The following CACNA2D4 variants were observed in gnomAD, a reference collection of about 807,000 sequenced individuals.
CACNA2D4 encodes calcium voltage-gated channel auxiliary subunit alpha2delta 4.
A neutral mutation model predicts 163.8 loss-of-function variants in CACNA2D4; 157 were observed. The ratio of observed to expected loss-of-function variants is 0.96; its 90% CI spans 0.84 to 1.09. The LOEUF (loss-of-function observed/expected upper bound fraction) is 1.09. Among genes scored for constraint, CACNA2D4 ranks in the 50% least tolerant of loss-of-function variants. CACNA2D4 has a pLI of 0.00. For missense variants in CACNA2D4, 1,410 were observed against 1,479.9 expected, an observed-to-expected ratio of 0.95 and a Z score of 0.78; for synonymous variants, 598 against 586.9, an observed-to-expected ratio of 1.02 and a Z score of -0.27.
At chr12:1,912,360 T>C (rs1866845760) in intron 3 of CACNA2D4, among the ~76,000 whole-genome samples, 1 of 152,214 alleles carries the variant, frequency 6.6e-6, no homozygotes, top group African/African-American at 2.4e-5. Context: ...CCCATAGGCC[T>C]CAGTGCAGAC....
intron 4 of CACNA2D4, 116 bp from the exon 5 acceptor site, chr12:1,908,153 G>C: frequency 1.8e-6 from 2 of 1,085,696 alleles, no homozygotes; most frequent in Non-Finnish European, 2.6e-6. Flanking sequence ...GCGGCCATCA[G>C]AGTCTACACA....
intron 4 of CACNA2D4, 110 bp downstream of exon 4, chr12:1,909,796 T>C (rs1002775478): frequency 2.4e-6 from 2 of 843,668 alleles, no homozygotes; most frequent in Non-Finnish European, 3.9e-6. Context: ...AGTAAATGTC[T>C]ATGGAATCAG....
At position 1,843,107 on chromosome 12, in the gene CACNA2D4, A is replaced by G. The variant is rs1865065522; in HGVS notation, c.2470+1295T>C. ...TGGGGTTGTCTAGATTAAATGAAAA[A>G]CACGTGGAAAATTGTTTTGTGAAGC... On this transcript the variant is annotated intron_variant, in intron 25 of 37. Coordinates refer to ENST00000382722, the MANE Select transcript of CACNA2D4 (RefSeq NM_172364.5). This position sits in a 1 kb window ranked among gnomAD's most constrained non-coding sequence, Gnocchi z 4.6. Among the ~76,000 whole-genome samples, 1 of 152,114 alleles carries G rather than the reference A, an allele frequency of 6.6e-6. No individual in the cohort carries two copies. Among genetic ancestry groups the G allele is most frequent in the Admixed American group, 6.5e-5 (1 of 15,272 alleles).
Position 1,884,849 on chromosome 12 carries a change from G to C in CACNA2D4, c.1191C>G (p.Asn397Lys). ...FQEAKQGSLC[N>K]QAIMLISDGA... ...CGTCGCTGATGAGCATGATGGCCTG[G>C]TTGCAGAGGCTTCCTTGCTTGGCCT... Residue 397 changes from asparagine to lysine, a missense_variant, in exon 11 of 38, where the codon AAC becomes AAG. Transcript: ENST00000382722. 1.2e-6 allele frequency: 2 copies of C among 1,613,912 alleles called. No homozygotes were observed. The highest frequency in any genetic ancestry group is 1.6e-4 in the Middle Eastern group (1 of 6,062).
At position 1,801,115 on chromosome 12, in the gene CACNA2D4, C is replaced by T. The variant is rs1219216983; in HGVS notation, c.2796G>A (p.Val932=). The change falls in exon 31 of 38, where the codon GTG becomes GTA. Residue 932 remains valine, a synonymous_variant. Coordinates refer to ENST00000382722, the MANE Select transcript of CACNA2D4 (RefSeq NM_172364.5). Reference sequence around the variant, plus strand: ...ACATGGCCTGATAGTCATACATAGTCACTCTGAAAATCAGAAGCGGGCTGT... The same window carrying T: ...ACATGGCCTGATAGTCATACATAGTTACTCTGAAAATCAGAAGCGGGCTGT... ...QLLSMGVFSQ[V]TMYDYQAMCK... 4.3e-6 allele frequency: 7 copies of T among 1,613,750 alleles called. No homozygotes were observed. Among genetic ancestry groups the T allele is most frequent in the Non-Finnish European group, 5.9e-6 (7 of 1,179,800 alleles).
At position 1,792,622 on chromosome 12, in the gene CACNA2D4, C is replaced by CG; in HGVS notation, c.*1032dup. The CG allele has an allele frequency of 1.3e-5, 2 of 150,680 alleles. No homozygotes were observed. The highest frequency in any genetic ancestry group is 3.0e-5 in the Non-Finnish European group (2 of 67,780). 9.3% of individuals were successfully genotyped at this position (150,680 alleles called of 1,614,324 possible). A position where few individuals can be genotyped will look rare whatever the true frequency, so the allele number is the denominator to read the frequency against. On this transcript the variant is annotated 3_prime_UTR_variant, in exon 38 of 38. Transcript: ENST00000382722. ...TGGGATCCAGGTCTTGGGGTTTGGT[C>CG]GGGGGAGGAAGCTGCGGGGCCTTGG...
chr12:1,889,118 C>T (rs1445784827), intron 6 of CACNA2D4, among the ~76,000 whole-genome samples: 5 of 152,150 alleles, frequency 3.3e-5, no homozygotes, highest in Admixed American at 3.3e-4. Context: ...TTTAGAATTG[C>T]ATTGTCAGCA....
At chr12:1,836,469 G>C (rs887102195) in intron 26 of CACNA2D4, 1 of 152,428 alleles carries the variant, frequency 6.6e-6, no homozygotes, top group Non-Finnish European at 1.5e-5. Flanking sequence ...TGGGCTGGGG[G>C]CCTGGAGGAG....
intron 26 of CACNA2D4, among the ~76,000 whole-genome samples, chr12:1,819,486 G>A (rs532335253): frequency 1.3e-5 from 2 of 152,224 alleles, no homozygotes; most frequent in East Asian, 3.9e-4. Flanking sequence ...AGCAAAGCAG[G>A]CAAAATGGAA....
intron 25 of CACNA2D4, among the ~76,000 whole-genome samples, chr12:1,842,110 A>G (rs1396707181): frequency 6.6e-6 from 1 of 151,952 alleles, no homozygotes; most frequent in Non-Finnish European, 1.5e-5. Context: ...GCATGTGGAG[A>G]CCCTAATGAG....
In CACNA2D4 at chr12:1,909,891, A is replaced by G; in HGVS notation, c.486+15T>C. 1 of 1,612,784 alleles carries G rather than the reference A, an allele frequency of 6.2e-7. No homozygotes were observed. The highest frequency in any genetic ancestry group is 8.5e-7 in the Non-Finnish European group (1 of 1,179,026). On this transcript the variant is annotated intron_variant, in intron 4 of 37. Coordinates refer to ENST00000382722, the MANE Select transcript of CACNA2D4 (RefSeq NM_172364.5). ...ATCCTGGCCCTCTGGCACCAGTGCC[A>G]GGAGTGGGACTCACCACCAGGGATT...
chr12:1,889,833 A>G (rs1224478611), intron 6 of CACNA2D4, among the ~76,000 whole-genome samples: 1 of 152,244 alleles, frequency 6.6e-6, no homozygotes, highest in Non-Finnish European at 1.5e-5. Flanking sequence ...AAAATTTAAA[A>G]AATAAGATAA....
intron 11 of CACNA2D4, 50 bp from the exon 12 acceptor site, chr12:1,884,371 G>T: frequency 6.9e-7 from 1 of 1,450,272 alleles, no homozygotes; most frequent in Non-Finnish European, 9.6e-7. Flanking sequence ...CCGGCCATAA[G>T]TAATGTTAAC....
chr12:1,808,103 C>T (rs1863599548), intron 29 of CACNA2D4, among the ~76,000 whole-genome samples: 1 of 152,118 alleles, frequency 6.6e-6, no homozygotes, highest in Non-Finnish European at 1.5e-5. Flanking sequence ...GTGGTCTGGA[C>T]AGAATAGGAC....
intron 26 of CACNA2D4, among the ~76,000 whole-genome samples, chr12:1,826,404 C>CT (rs199636691): frequency 0.14 from 7,246 of 51,316 alleles, 232 homozygotes; most frequent in Non-Finnish European, 0.28. Flanking sequence ...CCCAGAGCCC[C>CT]CCCCCCCCCC....
rs1456460807 is a variant in CACNA2D4 at position 1,792,003 on chromosome 12, AG to A, written c.*1651del. 6.6e-6 allele frequency: 1 copy of A among 152,256 alleles called. No individual in the cohort carries two copies. The highest frequency in any genetic ancestry group is 1.5e-5 in the Non-Finnish European group (1 of 68,040). 9.4% of individuals were successfully genotyped at this position (152,256 alleles called of 1,614,324 possible). The stretch of plus-strand genomic sequence containing the variant: ...ATTTATTTAGCGTTTAGTATATGCC[AG>A]GCAGTTTCAAGCATGTTACGTGAAT... On this transcript the variant is annotated 3_prime_UTR_variant, in exon 38 of 38. Coordinates refer to ENST00000382722, the MANE Select transcript of CACNA2D4 (RefSeq NM_172364.5).
chr12:1,795,637 ACCGCACACATC>A lies in CACNA2D4; in HGVS notation c.3226+20_3226+30del, dbSNP rs758266700. 6.8e-7 allele frequency: 1 copy of A among 1,461,300 alleles called. No individual in the cohort carries two copies. The highest frequency in any genetic ancestry group is 2.3e-5 in the East Asian group (1 of 44,070). The allele number at this position is 1,461,300 out of a possible 1,614,324, so 90.5% of individuals were successfully genotyped here. A position where few individuals can be genotyped will look rare whatever the true frequency, so the allele number is the denominator to read the frequency against. On this transcript the variant is annotated intron_variant, in intron 36 of 37. Transcript: ENST00000382722. ...GACACCTCCTACAGCCCCCGCCCCCACCGCACACATCCCCGAGCATTGCAGGATATATTTGA... is the reference window on the plus strand; with the variant it reads ...GACACCTCCTACAGCCCCCGCCCCCACCCGAGCATTGCAGGATATATTTGA...
At chr12:1,904,750 T>C (rs1317389215) in intron 6 of CACNA2D4, among the ~76,000 whole-genome samples, 1 of 151,940 alleles carries the variant, frequency 6.6e-6, no homozygotes, top group African/African-American at 2.4e-5. Context: ...ATAGAATACA[T>C]ATAAAAGGAA....
In CACNA2D4 at chr12:1,833,709, C is replaced by T. The variant is rs2154447284; in HGVS notation, c.2551+7030G>A. ...AAGGGAGCTGCCCATTCTTAGGCAACCAAAAGGTCTTGCGTGGAGGGGCAG... is the reference window on the plus strand; with the variant it reads ...AAGGGAGCTGCCCATTCTTAGGCAATCAAAAGGTCTTGCGTGGAGGGGCAG... On this transcript the variant is annotated intron_variant, in intron 26 of 37. Transcript: ENST00000382722. The surrounding 1 kb of genome is among the most constrained non-coding windows in gnomAD (Gnocchi z 4.2). Among the ~76,000 whole-genome samples, 1 of 152,318 alleles carries T rather than the reference C, an allele frequency of 6.6e-6. No individual in the cohort carries two copies. Among genetic ancestry groups the T allele is most frequent in the South Asian group, 2.1e-4 (1 of 4,826 alleles).
Sources: gnomAD v4.1 joint callset for allele counts (sites outside exome capture counted in the v4.1 genomes callset) on GRCh38, gnomAD v4.1.1 for gene constraint, Gnocchi (gnomAD v3.1) non-coding constraint, MANE v1.5 for transcripts, NCBI Gene and HGNC (gene_info 2026-07-23, HGNC 2026-07-21) for gene names.